CDH2: variants seen among roughly 807,000 people sequenced by gnomAD.
The protein encoded by CDH2 is cadherin 2.
In CDH2, 17 loss-of-function variants were observed where a neutral mutation model predicts 92.0. The observed-to-expected ratio is 0.18, with a 90% CI of 0.13 to 0.28. The LOEUF (loss-of-function observed/expected upper bound fraction) is 0.28. Ranked by LOEUF, CDH2 falls within the 10% of genes least tolerant of loss-of-function variation. The pLI, the probability that CDH2 is intolerant of heterozygous loss-of-function variation, is 1.00. For synonymous variants in CDH2, 419 were observed against 415.9 expected, an observed-to-expected ratio of 1.01 and a Z score of -0.09; for missense variants, 862 against 1,133.1, an observed-to-expected ratio of 0.76 and a Z score of 3.44.
rs374777517 is a variant in CDH2 at position 28,013,704 on chromosome 18, G to A, written c.378C>T (p.Thr126=). Residue 126 remains threonine, a synonymous_variant, in exon 3 of 16, where the codon ACC becomes ACT. Coordinates refer to ENST00000269141, the MANE Select transcript of CDH2 (RefSeq NM_001792.5). ...ATACCTTCACTGACTCCTCAGTTAA[G>A]GTTGGCTTCAGGCTCAATTTTACTG... ...QVAVKLSLKP[T]LTEESVKESA... 5 of 1,613,458 alleles carry A rather than the reference G, an allele frequency of 3.1e-6. No homozygotes were observed. The highest frequency in any genetic ancestry group is 1.3e-5 in the African/African-American group (1 of 74,882).
chr18:28,134,034 G>A (rs80257410), intron 2 of CDH2, among the ~76,000 whole-genome samples: 10,693 of 149,270 alleles, frequency 0.072, 467 homozygotes, highest in Non-Finnish European at 0.11. Flanking sequence ...GGTGAGTCAC[G>A]CCTATAGTCC....
chr18:27,947,283 C>G (rs1243123488), downstream of CDH2, among the ~76,000 whole-genome samples: 1 of 151,344 alleles, frequency 6.6e-6, no homozygotes, highest in African/African-American at 2.4e-5. Flanking sequence ...AAAAGTAGAG[C>G]CCACTCATAA....
chr18:28,072,244 T>C (rs930441686), intron 2 of CDH2, among the ~76,000 whole-genome samples: 1 of 152,076 alleles, frequency 6.6e-6, no homozygotes, highest in Non-Finnish European at 1.5e-5. Flanking sequence ...ATTTTCTTTA[T>C]ATGCCATAAA....
intron 2 of CDH2, among the ~76,000 whole-genome samples, chr18:28,031,064 G>A (rs934553627): frequency 2.7e-5 from 4 of 150,662 alleles, no homozygotes; most frequent in Non-Finnish European, 4.4e-5. Flanking sequence ...TGTCTAAACC[G>A]TGACCACTCC....
At chr18:28,119,726 T>G (rs954184370) in intron 2 of CDH2, among the ~76,000 whole-genome samples, 5 of 152,110 alleles carry the variant, frequency 3.3e-5, no homozygotes, top group Non-Finnish European at 7.4e-5. Context: ...CTGGGCATAC[T>G]GCCACTCACA....
intron 2 of CDH2, among the ~76,000 whole-genome samples, chr18:28,073,364 C>T (rs997533666): frequency 1.3e-5 from 2 of 152,092 alleles, no homozygotes; most frequent in African/African-American, 4.8e-5. Context: ...GTTCTAATGA[C>T]ATTTTTTGAG....
At chr18:28,147,303 A>C (rs1282459265) in intron 2 of CDH2, among the ~76,000 whole-genome samples, 1 of 152,060 alleles carries the variant, frequency 6.6e-6, no homozygotes, top group Non-Finnish European at 1.5e-5. Flanking sequence ...AATTCAAAAT[A>C]CTAAGTAATT....
chr18:28,003,277 CA>C, intron 6 of CDH2, 108 bp from the exon 7 acceptor site: 1 of 789,258 alleles, frequency 1.3e-6, no homozygotes, highest in South Asian at 2.2e-5. Context: ...TTTTTAAAAA[CA>C]AATATTTAAA....
intron 2 of CDH2, among the ~76,000 whole-genome samples, chr18:28,144,813 A>G (rs2016010136): frequency 6.6e-6 from 1 of 152,072 alleles, no homozygotes; most frequent in Non-Finnish European, 1.5e-5. Flanking sequence ...CACCCTTTTT[A>G]TGATTTCACA....
intron 15 of CDH2, among the ~76,000 whole-genome samples, chr18:27,959,764 A>AT (rs1358676150): frequency 1.3e-5 from 2 of 152,002 alleles, no homozygotes; most frequent in African/African-American, 2.4e-5. Context: ...ACCTCCTTAG[A>AT]TTTTCTGTCT....
chr18:27,937,622 C>G lies in CDH2; in HGVS notation c.1152-4498G>C, dbSNP rs529657692. Among the ~76,000 whole-genome samples the G allele has an allele frequency of 3.9e-5, 6 of 152,254 alleles. No homozygotes were observed. The South Asian group carries it at 6.2e-4, about 16-fold the overall frequency. ...ACACTCAATCTTCTAATCTAACTTT[C>G]TTTTCTAAATTCTCTTCCCTATTTC... On this transcript the variant is annotated intron_variant, in intron 6 of 6. Coordinates refer to the CDH2 transcript ENST00000675173.
chr18:28,152,345 T>A (rs1406542403), intron 1 of CDH2, among the ~76,000 whole-genome samples: 2 of 152,158 alleles, frequency 1.3e-5, no homozygotes, highest in Non-Finnish European at 2.9e-5. Flanking sequence ...TGAGTGTTCA[T>A]TTGCCACTAG....
chr18:28,094,226 C>T (rs923812207), intron 2 of CDH2, among the ~76,000 whole-genome samples: 1 of 152,104 alleles, frequency 6.6e-6, no homozygotes, highest in African/African-American at 2.4e-5. Flanking sequence ...GTGGCTCACA[C>T]CTGTAATCTC....
chr18:28,087,282 TA>T (rs1286016657), intron 2 of CDH2, among the ~76,000 whole-genome samples: 2 of 152,146 alleles, frequency 1.3e-5, no homozygotes, highest in African/African-American at 4.8e-5. Flanking sequence ...TGATAAAGCA[TA>T]AAGCGGTTCT....
intron 2 of CDH2, among the ~76,000 whole-genome samples, chr18:28,083,743 C>CA (rs1415699787): frequency 6.6e-6 from 1 of 152,156 alleles, no homozygotes; most frequent in Non-Finnish European, 1.5e-5. Context: ...TATAAATATA[C>CA]ACCCTATAGT....
intron 1 of CDH2, among the ~76,000 whole-genome samples, chr18:28,166,340 C>T (rs758838086): frequency 6.6e-6 from 1 of 151,634 alleles, no homozygotes; most frequent in Non-Finnish European, 1.5e-5. Context: ...CCACTGTTAT[C>T]GACGTTTGAG....
At chr18:27,948,957 C>A (rs1188361651), downstream of CDH2, among the ~76,000 whole-genome samples, 1 of 151,682 alleles carries the variant, frequency 6.6e-6, no homozygotes, top group African/African-American at 2.4e-5. Context: ...TTTTTATTAG[C>A]AATATTGCAG....
At position 28,003,117 on chromosome 18, in the gene CDH2, G is replaced by A. The variant is rs1272098053; in HGVS notation, c.900C>T (p.Leu300=). The A allele has an allele frequency of 1.2e-6, 2 of 1,613,816 alleles. No individual in the cohort carries two copies. The highest frequency in any genetic ancestry group is 1.7e-6 in the Non-Finnish European group (2 of 1,179,862). Residue 300 remains leucine, a synonymous_variant, in exon 7 of 16, where the codon CTC becomes CTT. Coordinates refer to ENST00000269141, the MANE Select transcript of CDH2 (RefSeq NM_001792.5). Reference sequence around the variant, plus strand: ...CGATTCTGTACCTCAACATCCCATTGAGGGCATTGGGATCGTCAGCATCAA... The same window carrying A: ...CGATTCTGTACCTCAACATCCCATTAAGGGCATTGGGATCGTCAGCATCAA... The part of the protein sequence containing the change: ...TAIDADDPNA[L]NGMLRYRIVS...
At chr18:28,149,724 G>C (rs750238398) in intron 1 of CDH2, among the ~76,000 whole-genome samples, 2 of 152,142 alleles carry the variant, frequency 1.3e-5, no homozygotes, top group Non-Finnish European at 2.9e-5. Context: ...AACTAGGAAA[G>C]GCATCAGGAA....
Sources: allele counts gnomAD v4.1 joint callset (sites outside exome capture counted in the v4.1 genomes callset), GRCh38; gene constraint gnomAD v4.1.1; transcripts MANE v1.5; gene names NCBI Gene and HGNC (gene_info 2026-07-23, HGNC 2026-07-21).